Variants in PRH1 observed in about 807,000 individuals in gnomAD.
PRH1 encodes salivary acidic proline-rich phosphoprotein 1/2.
In PRH1, 7 loss-of-function variants were observed where a neutral mutation model predicts 7.9. The observed-to-expected ratio is 0.89, with a 90% confidence interval of 0.50 to 1.67. The LOEUF is 1.67. Among genes scored for constraint, PRH1 ranks in the 40% most tolerant of loss-of-function variants. PRH1 has a pLI of 0.00. For missense variants in PRH1, 109 were observed against 223.6 expected (o/e 0.49, Z 3.27); for synonymous variants, 45 against 80.8 (o/e 0.56, Z 2.38).
rs1236273442 is a variant in PRH1, at chr12:11,087,689, G to A, written n.124-40501C>T. Among the ~76,000 whole-genome samples, 2 of 116,956 alleles carry A rather than the reference G, an allele frequency of 1.7e-5. 1 individual carries two copies. The highest frequency in any genetic ancestry group is 4.1e-5 in the Non-Finnish European group (2 of 49,312). The allele number at this position is 116,956 out of a possible 152,430, so 76.7% of individuals were successfully genotyped here. A position where few individuals can be genotyped will look rare whatever the true frequency, so the allele number is the denominator to read the frequency against. On this transcript the variant is annotated intron_variant and non_coding_transcript_variant, in intron 1 of 4. Coordinates refer to the PRH1 transcript ENST00000541977. ...TGGTCACTGCCATGACAAAACACTT[G>A]CAAGTTACAGGGGATGGTAGTCCTT... is the stretch of plus-strand genomic sequence containing the variant.
At chr12:10,997,634 A>G (rs1402568444) in intron 1 of PRH1, 1 of 1,613,734 alleles carries the variant, frequency 6.2e-7, no homozygotes. Flanking sequence ...AATAAAAATT[A>G]TTACTTTTAA....
chr12:10,889,677 C>T lies in PRH1; in HGVS notation c.-58-5402G>A, dbSNP rs140167102. The stretch of plus-strand genomic sequence containing the variant: ...ATCATTTGTTATAGCCTTTCATATT[C>T]ATGATATGATGTATAATTTTTTCAA... On this transcript the variant is annotated intron_variant, in intron 2 of 3. Coordinates refer to the PRH1 transcript ENST00000539853. 5.3e-5 allele frequency among the ~76,000 whole-genome samples: 8 copies of T among 152,236 alleles called. No homozygotes were observed. The East Asian group carries it at 1.5e-3, about 29-fold the overall frequency.
intron 1 of PRH1, among the ~76,000 whole-genome samples, chr12:11,163,235 A>C (rs1452714887): frequency 6.6e-6 from 1 of 152,224 alleles, no homozygotes; most frequent in Non-Finnish European, 1.5e-5. Context: ...AAGGAAACAC[A>C]GAGCATATGA....
intron 1 of PRH1, among the ~76,000 whole-genome samples, chr12:10,978,280 G>A (rs1209171237): frequency 6.6e-6 from 1 of 152,150 alleles, no homozygotes; most frequent in Non-Finnish European, 1.5e-5. Context: ...ACAGCCATCT[G>A]ATCTTCAACA....
At chr12:11,162,844 C>A (rs2136458266) in intron 1 of PRH1, among the ~76,000 whole-genome samples, 1 of 152,292 alleles carries the variant, frequency 6.6e-6, no homozygotes, top group South Asian at 2.1e-4. Flanking sequence ...ACCCCCTGGG[C>A]AACCATGGAA....
intron 2 of PRH1, among the ~76,000 whole-genome samples, chr12:10,951,820 A>C (rs1937687611): frequency 6.6e-6 from 1 of 152,106 alleles, no homozygotes; most frequent in Admixed American, 6.6e-5. Context: ...ATTTTAACTT[A>C]TTTTTATTAT....
chr12:11,142,630 T>G (rs1217593276), intron 1 of PRH1, among the ~76,000 whole-genome samples: 4 of 152,114 alleles, frequency 2.6e-5, no homozygotes, highest in African/African-American at 9.7e-5. Flanking sequence ...CCAGGTAAAA[T>G]TGAAGAAGAC....
intron 1 of PRH1, among the ~76,000 whole-genome samples, chr12:11,015,553 T>C (rs1941253253): frequency 1.3e-5 from 2 of 152,092 alleles, no homozygotes; most frequent in South Asian, 4.1e-4. Context: ...AACCAGATAT[T>C]GGCCACTCCA....
intron 1 of PRH1, among the ~76,000 whole-genome samples, chr12:10,990,592 T>C (rs779825189): frequency 6.6e-6 from 1 of 152,154 alleles, no homozygotes; most frequent in African/African-American, 2.4e-5. Context: ...CACTGAAAAA[T>C]CTAAAGCTGA....
At chr12:10,891,050 G>C (rs1949566065) in intron 2 of PRH1, among the ~76,000 whole-genome samples, 1 of 152,066 alleles carries the variant, frequency 6.6e-6, no homozygotes, top group South Asian at 2.1e-4. Flanking sequence ...GCAATATGTT[G>C]GGATGGTTCT....
intron 2 of PRH1, chr12:10,964,743 T>C: frequency 3.0e-6 from 2 of 663,046 alleles, no homozygotes; most frequent in Non-Finnish European, 5.4e-6. Flanking sequence ...TTGAGATGTT[T>C]ACACAAAGAA....
At chr12:10,924,304 CTAAG>C (rs1359806186) in intron 2 of PRH1, among the ~76,000 whole-genome samples, 8 of 152,078 alleles carry the variant, frequency 5.3e-5, no homozygotes, top group Non-Finnish European at 1.5e-5. Context: ...TCCATCTATT[CTAAG>C]TTTCTATTTT....
intron 1 of PRH1, among the ~76,000 whole-genome samples, chr12:11,008,305 A>G (rs916062990): frequency 6.6e-6 from 1 of 152,074 alleles, no homozygotes; most frequent in Non-Finnish European, 1.5e-5. Context: ...ATTTCTCCTA[A>G]TTCAAAATTT....
rs1175904123 is a variant in PRH1, at chr12:11,160,196, A to G, written n.39+11226T>C. The stretch of plus-strand genomic sequence containing the variant: ...TTATTTCAGTAATTATTTGTCTCTC[A>G]TTCAGTAACATCCTTCTACATACCA... On this transcript the variant is annotated intron_variant and non_coding_transcript_variant, in intron 1 of 1. Coordinates refer to the PRH1 transcript ENST00000541175. 2.0e-5 allele frequency among the ~76,000 whole-genome samples: 3 copies of G among 152,212 alleles called. No individual in the cohort carries two copies. In the East Asian group the frequency reaches 5.8e-4, roughly 29 times the overall value.
intron 2 of PRH1, among the ~76,000 whole-genome samples, chr12:10,971,420 G>A (rs1018229651): frequency 3.3e-5 from 5 of 152,114 alleles, no homozygotes; most frequent in South Asian, 2.1e-4. Context: ...TACATTTCTT[G>A]TAAACATGTC....
intron 1 of PRH1, among the ~76,000 whole-genome samples, chr12:11,160,658 AC>A (rs1371527454): frequency 2.6e-5 from 4 of 152,186 alleles, no homozygotes; most frequent in Non-Finnish European, 5.9e-5. Flanking sequence ...TTCAGTAGAG[AC>A]GGGGTTTCAC....
chr12:11,056,277 T>A (rs1943359413), intron 1 of PRH1, among the ~76,000 whole-genome samples: 1 of 152,286 alleles, frequency 6.6e-6, no homozygotes, highest in African/African-American at 2.4e-5. Context: ...AGTCTACACT[T>A]CTCTGTGTAT....
At chr12:10,953,470 G>T (rs894527103) in intron 2 of PRH1, among the ~76,000 whole-genome samples, 1 of 152,130 alleles carries the variant, frequency 6.6e-6, no homozygotes, top group African/African-American at 2.4e-5. Flanking sequence ...GAATACTAAT[G>T]CAAGTGTTAA....
intron 1 of PRH1, among the ~76,000 whole-genome samples, chr12:11,061,045 T>C (rs1230803488): frequency 6.6e-6 from 1 of 152,106 alleles, no homozygotes; most frequent in Non-Finnish European, 1.5e-5. Context: ...AAATATAAAA[T>C]ACATAAATGA....
Sources: gnomAD v4.1 joint callset for allele counts (sites outside exome capture counted in the v4.1 genomes callset) on GRCh38, gnomAD v4.1.1 for gene constraint, MANE v1.5 for transcripts, NCBI Gene and HGNC (gene_info 2026-07-23, HGNC 2026-07-21) for gene names.